The following MCCC1 variants were observed in gnomAD, a reference collection of about 807,000 sequenced individuals.
MCCC1 encodes methylcrotonyl-CoA carboxylase subunit 1.
Under a neutral mutation model 83.8 loss-of-function variants are expected in MCCC1, and 64 were observed. That is an observed-to-expected ratio of 0.76 (90% CI 0.62 to 0.94). The LOEUF (loss-of-function observed/expected upper bound fraction) is 0.94. Among genes scored for constraint, MCCC1 ranks in the 40% least tolerant of loss-of-function variants. The probability of loss-of-function intolerance (pLI) is 0.00; values close to 1 mark genes in which losing one functional copy is unlikely to be tolerated. For missense variants in MCCC1, 807 were observed against 904.7 expected (o/e 0.89, Z 1.39); for synonymous variants, 322 against 315.4 (o/e 1.02, Z -0.22).
At position 183,071,365 on chromosome 3, in the gene MCCC1, G is replaced by T; in HGVS notation, c.492-8C>A. ...ATTATGGATTTGGATGTGCTTTAGA[G>T]TGGGAAAGAAAACAACATGCCCCAA... On this transcript the variant is annotated splice_polypyrimidine_tract_variant and splice_region_variant and intron_variant, in intron 5 of 18. Coordinates refer to ENST00000265594, the MANE Select transcript of MCCC1 (RefSeq NM_020166.5). 1 of 1,614,208 alleles carries T rather than the reference G, an allele frequency of 6.2e-7. No individual in the cohort carries two copies. The highest frequency in any genetic ancestry group is 8.5e-7 in the Non-Finnish European group (1 of 1,180,034).
At chr3:183,093,522 G>A (rs1718515979) in intron 2 of MCCC1, among the ~76,000 whole-genome samples, 3 of 152,050 alleles carry the variant, frequency 2.0e-5, no homozygotes. Context: ...TACTGGCATG[G>A]CACCATAATG....
intron 1 of MCCC1, among the ~76,000 whole-genome samples, chr3:183,106,576 G>A (rs1719410910): frequency 6.6e-6 from 1 of 151,632 alleles, no homozygotes; most frequent in Non-Finnish European, 1.5e-5. Context: ...TCAGCTCACT[G>A]CAACCTCAGC....
chr3:183,094,503 C>T, intron 2 of MCCC1, 56 bp downstream of exon 2: 4 of 1,543,936 alleles, frequency 2.6e-6, no homozygotes, highest in Non-Finnish European at 2.7e-6. Flanking sequence ...ATTTCCCTTT[C>T]TTAAACACTT....
intron 3 of MCCC1, among the ~76,000 whole-genome samples, chr3:183,087,754 C>T (rs1329581663): frequency 7.1e-6 from 1 of 141,706 alleles, no homozygotes; most frequent in Admixed American, 7.3e-5. Context: ...ACCCGTAGTC[C>T]CAGCTACTCG....
intron 10 of MCCC1, among the ~76,000 whole-genome samples, chr3:183,044,426 G>C (rs1399115728): frequency 6.6e-6 from 1 of 152,172 alleles, no homozygotes; most frequent in Non-Finnish European, 1.5e-5. Flanking sequence ...CAGTAGGCAT[G>C]TCATAGCAAT....
In MCCC1 at chr3:183,050,722, A is replaced by G. The variant is rs536459155; in HGVS notation, c.955+1437T>C. 3.7e-3 allele frequency among the ~76,000 whole-genome samples: 562 copies of G among 151,530 alleles called. 3 individuals carry two copies. Among genetic ancestry groups the G allele is most frequent in the African/African-American group, 0.013 (540 of 41,166 alleles). On this transcript the variant is annotated intron_variant, in intron 9 of 18. Coordinates refer to ENST00000265594, the MANE Select transcript of MCCC1 (RefSeq NM_020166.5). ...CTCTGTCTCAAAAAAAAAAAAAAAAAAAAAGAAAGGGAAAGTTGAGAAGTG... is the reference window on the plus strand; with the variant it reads ...CTCTGTCTCAAAAAAAAAAAAAAAAGAAAAGAAAGGGAAAGTTGAGAAGTG...
Position 183,094,601 on chromosome 3 carries a change from A to G in MCCC1, c.94T>C (p.Trp32Arg), listed in dbSNP as rs761132865. The change falls in exon 2 of 19, where the codon TGG (tryptophan) becomes CGG (arginine). Residue 32 changes from tryptophan (W) to arginine (R), a missense_variant. Transcript: ENST00000265594. ...LPSLLLPPRT[W>R]VWRQRTMKYT... ...TTCATGGTTCTTTGCCTCCACACCC[A>G]TGTCCTATAACATAAATCCAAAAGG... 4.3e-6 allele frequency: 7 copies of G among 1,613,864 alleles called. No homozygotes were observed. The highest frequency in any genetic ancestry group is 5.1e-6 in the Non-Finnish European group (6 of 1,179,728).
chr3:183,053,990 T>G (rs888649282), intron 8 of MCCC1, among the ~76,000 whole-genome samples: 3 of 147,166 alleles, frequency 2.0e-5, no homozygotes, highest in Admixed American at 6.8e-5. Flanking sequence ...TAAGCAATTT[T>G]CCTGTCTCAG....
At chr3:183,015,978 G>C (rs1711590681) in intron 18 of MCCC1, among the ~76,000 whole-genome samples, 1 of 151,834 alleles carries the variant, frequency 6.6e-6, no homozygotes, top group South Asian at 2.1e-4. Context: ...ACCCAGGCTG[G>C]AGTGCAACGG....
intron 7 of MCCC1, among the ~76,000 whole-genome samples, chr3:183,058,198 T>C (rs751886992): frequency 9.3e-4 from 141 of 152,134 alleles, no homozygotes; most frequent in Admixed American, 3.0e-3. Flanking sequence ...AAGCAACTCT[T>C]ACAGTTAGAT....
At chr3:183,040,885 G>A (rs1714027434) in intron 11 of MCCC1, among the ~76,000 whole-genome samples, 1 of 152,172 alleles carries the variant, frequency 6.6e-6, no homozygotes, top group South Asian at 2.1e-4. Context: ...TCAGAGCACT[G>A]ACTCTGGAGC....
rs577570220 is a variant in MCCC1, at chr3:183,044,087, A to G, written c.1083+1326T>C. ...CCAAGGAACCAACAAAAGGAGTATCATATTATTATCTACAGAAGTTCTGAA... is the reference window on the plus strand; with the variant it reads ...CCAAGGAACCAACAAAAGGAGTATCGTATTATTATCTACAGAAGTTCTGAA... On this transcript the variant is annotated intron_variant, in intron 10 of 18. Transcript: ENST00000265594. 3.9e-5 allele frequency among the ~76,000 whole-genome samples: 6 copies of G among 152,336 alleles called. No individual in the cohort carries two copies. In the East Asian group the frequency reaches 7.7e-4, roughly 20 times the overall value.
At chr3:183,103,290 G>A (rs1361944725), upstream of MCCC1, among the ~76,000 whole-genome samples, 2 of 152,192 alleles carry the variant, frequency 1.3e-5, no homozygotes, top group South Asian at 2.1e-4. Flanking sequence ...AGACCCGAGC[G>A]GGTTGGCACT....
chr3:183,079,560 G>A (rs902711903), intron 4 of MCCC1, among the ~76,000 whole-genome samples: 3 of 152,156 alleles, frequency 2.0e-5, no homozygotes, highest in Admixed American at 6.5e-5. Flanking sequence ...CCCTCTCCTG[G>A]CAGCTTTCAC....
intron 1 of MCCC1, among the ~76,000 whole-genome samples, chr3:183,105,468 A>G (rs112086125): frequency 1.1e-4 from 17 of 152,362 alleles, no homozygotes; most frequent in Admixed American, 2.6e-4. Flanking sequence ...ATAAAAAACC[A>G]TGATTATTAT....
At chr3:183,059,949 T>C (rs1233808300) in intron 7 of MCCC1, among the ~76,000 whole-genome samples, 1 of 152,222 alleles carries the variant, frequency 6.6e-6, no homozygotes, top group Non-Finnish European at 1.5e-5. Context: ...ATGATGTGCA[T>C]AGATGTATAT....
intron 7 of MCCC1, among the ~76,000 whole-genome samples, chr3:183,061,094 G>A (rs1715799398): frequency 6.6e-6 from 1 of 152,092 alleles, no homozygotes; most frequent in African/African-American, 2.4e-5. Flanking sequence ...GGGGATAGCG[G>A]GTTAGGTTTC....
rs887585591 is a variant in MCCC1 at position 183,053,084 on chromosome 3, T to C, written c.874-844A>G. Among the ~76,000 whole-genome samples the C allele has an allele frequency of 3.3e-5, 5 of 152,240 alleles. No homozygotes were observed. In the South Asian group the frequency reaches 6.2e-4, roughly 19 times the overall value. On this transcript the variant is annotated intron_variant, in intron 8 of 18. Coordinates refer to ENST00000265594, the MANE Select transcript of MCCC1 (RefSeq NM_020166.5). ...TGAAAACTTTTATTGGGACAAGATG[T>C]GGAGAAAAGACAGTGACACTGATGA... is the stretch of plus-strand genomic sequence containing the variant.
intron 4 of MCCC1, among the ~76,000 whole-genome samples, chr3:183,076,996 T>C (rs570381273): frequency 6.6e-6 from 1 of 152,312 alleles, no homozygotes; most frequent in African/African-American, 2.4e-5. Flanking sequence ...ATGCAGTCTT[T>C]TGTGACTGGC....
Sources: allele counts gnomAD v4.1 joint callset (sites outside exome capture counted in the v4.1 genomes callset), GRCh38; gene constraint gnomAD v4.1.1; transcripts MANE v1.5; gene names NCBI Gene and HGNC (gene_info 2026-07-23, HGNC 2026-07-21).